RAB27A: variants seen among roughly 807,000 people sequenced by gnomAD.
The protein encoded by RAB27A is ras-related protein Rab-27A.
A neutral mutation model predicts 20.8 loss-of-function variants in RAB27A; 17 were observed. The observed-to-expected ratio is 0.82, with a 90% CI of 0.56 to 1.23. RAB27A has a LOEUF of 1.23. RAB27A is among the 50% of genes most tolerant of loss of function. The pLI, the probability that RAB27A is intolerant of heterozygous loss-of-function variation, is 0.00. For missense variants in RAB27A, 277 were observed against 266.7 expected, an observed-to-expected ratio of 1.04 and a Z score of -0.27; for synonymous variants, 85 against 92.8, an observed-to-expected ratio of 0.92 and a Z score of 0.48.
intron 2 of RAB27A, among the ~76,000 whole-genome samples, chr15:55,248,546 G>C (rs761301093): frequency 2.0e-5 from 3 of 152,136 alleles, no homozygotes; most frequent in South Asian, 2.1e-4. Flanking sequence ...CAAAGTATGG[G>C]AAAAGAGCCA....
intron 2 of RAB27A, among the ~76,000 whole-genome samples, chr15:55,303,942 A>G (rs910699336): frequency 6.7e-6 from 1 of 148,484 alleles, no homozygotes; most frequent in African/African-American, 2.5e-5. Context: ...CTGCCCGGCC[A>G]CCACCCTGTC....
At chr15:55,291,187 G>A (rs561827876), upstream of RAB27A, among the ~76,000 whole-genome samples, 1 of 152,306 alleles carries the variant, frequency 6.6e-6, no homozygotes, top group East Asian at 1.9e-4. Context: ...TCCCGTGTGA[G>A]AGAAGGGCCA....
rs757136809 is a variant in RAB27A, at chr15:55,223,906, T to C, written c.450A>G (p.Ala150=). ...QRVVKEEEAI[A]LAEKYGIPYF... ...ATACTCACCCATATTTCTCTGCGAG[T>C]GCTATGGCTTCCTCCTCTTTCACTA... The change falls in exon 6 of 7, where the codon GCA becomes GCG. Residue 150 remains alanine (A), a synonymous_variant. Coordinates refer to ENST00000336787, the MANE Select transcript of RAB27A (RefSeq NM_183235.3). 2 of 1,613,836 alleles carry C rather than the reference T, an allele frequency of 1.2e-6. No individual in the cohort carries two copies. Among genetic ancestry groups the C allele is most frequent in the Non-Finnish European group, 1.7e-6 (2 of 1,179,902 alleles).
In RAB27A at chr15:55,214,669, G is replaced by A. The variant is rs1403182834; in HGVS notation, c.468-8964C>T. Among the ~76,000 whole-genome samples, 4 of 152,146 alleles carry A rather than the reference G, an allele frequency of 2.6e-5. No individual in the cohort carries two copies. The East Asian group carries it at 5.8e-4, about 22-fold the overall frequency. ...ACCTCCTGCTTGCCTCTTAGTTACT[G>A]TCAATCTTTTTTCCTCCATCTATCA... On this transcript the variant is annotated intron_variant, in intron 6 of 6. Transcript: ENST00000336787.
intron 2 of RAB27A, among the ~76,000 whole-genome samples, chr15:55,260,192 A>G (rs1481086585): frequency 6.6e-6 from 1 of 152,242 alleles, no homozygotes; most frequent in Non-Finnish European, 1.5e-5. Flanking sequence ...AAGATGCTCA[A>G]TATCATATGT....
intron 3 of RAB27A, 31 bp from the exon 4 acceptor site, chr15:55,230,517 A>C (rs1392855202): frequency 1.3e-6 from 2 of 1,567,864 alleles, no homozygotes; most frequent in African/African-American, 2.7e-5. Flanking sequence ...AGAAAACAAA[A>C]GAGAACTTCT....
At chr15:55,291,561 T>C (rs182009487), upstream of RAB27A, among the ~76,000 whole-genome samples, 10 of 142,326 alleles carry the variant, frequency 7.0e-5, no homozygotes, top group Admixed American at 3.6e-4. Context: ...GGTAGCCTCA[T>C]GTTCATGTCC....
chr15:55,250,584 T>C (rs1896851860), intron 2 of RAB27A, among the ~76,000 whole-genome samples: 1 of 152,240 alleles, frequency 6.6e-6, no homozygotes, highest in Non-Finnish European at 1.5e-5. Context: ...ATGTTTGCTT[T>C]CATCCTGTTA....
chr15:55,231,050 T>C (rs1896013144), intron 3 of RAB27A, among the ~76,000 whole-genome samples: 1 of 152,220 alleles, frequency 6.6e-6, no homozygotes, highest in Non-Finnish European at 1.5e-5. Flanking sequence ...TTCCCACTTA[T>C]AAGTGAGAAT....
intron 3 of RAB27A, 72 bp from the exon 4 acceptor site, chr15:55,230,558 C>T: frequency 8.0e-7 from 1 of 1,254,914 alleles, no homozygotes; most frequent in Non-Finnish European, 1.2e-6. Context: ...CCTTTTTGTT[C>T]AGTACAAATC....
chr15:55,215,726 C>T (rs867311762), intron 6 of RAB27A, among the ~76,000 whole-genome samples: 3 of 150,770 alleles, frequency 2.0e-5, no homozygotes, highest in Admixed American at 1.3e-4. Flanking sequence ...CTTTGGGAGG[C>T]TGAGACGGGT....
chr15:55,236,139 C>T (rs370225731), intron 2 of RAB27A, among the ~76,000 whole-genome samples: 1 of 149,734 alleles, frequency 6.7e-6, no homozygotes, highest in African/African-American at 2.5e-5. Context: ...CTAAACACCA[C>T]CTGTTCCCCA....
At chr15:55,291,485 T>A (rs1418572482), upstream of RAB27A, among the ~76,000 whole-genome samples, 2 of 115,322 alleles carry the variant, frequency 1.7e-5, no homozygotes, top group Non-Finnish European at 3.3e-5. Flanking sequence ...CACTCCAGCC[T>A]GGGCGACCGA....
At chr15:55,215,103 G>A (rs1367132957) in intron 6 of RAB27A, among the ~76,000 whole-genome samples, 2 of 152,106 alleles carry the variant, frequency 1.3e-5, no homozygotes, top group African/African-American at 2.4e-5. Flanking sequence ...TTAAAAAGTA[G>A]TTGAACAGTA....
chr15:55,317,975 CTAAT>C (rs1446526999), intron 1 of RAB27A: 1 of 355,022 alleles, frequency 2.8e-6, no homozygotes, highest in Non-Finnish European at 5.0e-6. Flanking sequence ...TAATATGTTA[CTAAT>C]TAAAACAAGA....
intron 6 of RAB27A, among the ~76,000 whole-genome samples, chr15:55,215,579 G>A (rs542560053): frequency 1.4e-5 from 2 of 147,054 alleles, no homozygotes; most frequent in African/African-American, 2.6e-5. Context: ...GTGAACCCGG[G>A]AAGCGGAGCT....
At chr15:55,241,624 A>ATATATATATATATGTG (rs377301086) in intron 2 of RAB27A, among the ~76,000 whole-genome samples, 1 of 117,664 alleles carries the variant, frequency 8.5e-6, no homozygotes, top group African/African-American at 4.4e-5. Flanking sequence ...ATATATATAT[A>ATATATATATATATGTG]TGTGTGTATA....
At chr15:55,318,992 G>C (rs922954771) in exon 1 of RAB27A, 4 of 454,252 alleles carry the variant, frequency 8.8e-6, no homozygotes, top group Non-Finnish European at 1.6e-5. Flanking sequence ...CCCCTCCAGA[G>C]ACCGGGGGCC....
intron 2 of RAB27A, among the ~76,000 whole-genome samples, chr15:55,240,780 A>G (rs1159066802): frequency 6.6e-6 from 1 of 152,128 alleles, no homozygotes; most frequent in Admixed American, 6.5e-5. Flanking sequence ...TCTTATTTTA[A>G]CTTCTTTAAA....
Sources: allele counts gnomAD v4.1 joint callset (sites outside exome capture counted in the v4.1 genomes callset), GRCh38; gene constraint gnomAD v4.1.1; transcripts MANE v1.5; gene names NCBI Gene and HGNC (gene_info 2026-07-23, HGNC 2026-07-21).